ZMYM4: variants seen among roughly 807,000 people sequenced by gnomAD.
ZMYM4 encodes zinc finger MYM-type containing 4, also known as zinc finger MYM-type protein 4.
ZMYM4 carries 31 observed loss-of-function variants against 183.2 expected under a neutral mutation model. That is an observed-to-expected ratio of 0.17 (90% CI 0.13 to 0.23). The LOEUF (loss-of-function observed/expected upper bound fraction) is 0.23, where lower values mean the gene tolerates loss of function less well. Among genes scored for constraint, ZMYM4 ranks in the 10% least tolerant of loss-of-function variants. The probability of loss-of-function intolerance (pLI) is 1.00; values close to 1 mark genes in which losing one functional copy is unlikely to be tolerated. For missense variants in ZMYM4, 1,273 were observed against 1,840.3 expected (o/e 0.69, Z 5.64); for synonymous variants, 592 against 631.2 (o/e 0.94, Z 0.93).
intron 2 of ZMYM4, among the ~76,000 whole-genome samples, chr1:35,331,411 ATTTTTG>A (rs1642741189): frequency 6.6e-6 from 1 of 152,118 alleles, no homozygotes; most frequent in Admixed American, 6.6e-5. Context: ...AACTAAACTG[ATTTTTG>A]TTTTATCTCT....
At chr1:35,336,488 G>A (rs1642982026) in intron 2 of ZMYM4, among the ~76,000 whole-genome samples, 1 of 151,848 alleles carries the variant, frequency 6.6e-6, no homozygotes, top group Non-Finnish European at 1.5e-5. Flanking sequence ...CCAGGTTCAA[G>A]CGATTCTCCT....
chr1:35,339,335 A>G (rs1421072073), intron 2 of ZMYM4, among the ~76,000 whole-genome samples: 4 of 152,046 alleles, frequency 2.6e-5, no homozygotes, highest in African/African-American at 9.7e-5. Context: ...CCTGGGTTCA[A>G]GCAGTTCTCC....
At chr1:35,293,285 G>A (rs1640850931) in intron 1 of ZMYM4, among the ~76,000 whole-genome samples, 1 of 152,030 alleles carries the variant, frequency 6.6e-6, no homozygotes, top group Non-Finnish European at 1.5e-5. Context: ...GACTACAGGT[G>A]TGAACCACCA....
At chr1:35,293,004 A>G (rs552254473) in intron 1 of ZMYM4, among the ~76,000 whole-genome samples, 4 of 145,412 alleles carry the variant, frequency 2.8e-5, no homozygotes, top group Admixed American at 2.0e-4. Context: ...TACCATTAAC[A>G]TTTTTTTTTT....
intron 18 of ZMYM4, among the ~76,000 whole-genome samples, chr1:35,394,162 C>CTTTTTTTTTTTTTTTTTTTTTT: frequency 1.5e-5 from 1 of 68,430 alleles, no homozygotes; most frequent in Non-Finnish European, 2.7e-5. Context: ...TCAGAGCTTT[C>CTTTTTTTTTTTTTTTTTTTTTT]TTTTTTTTTT....
chr1:35,306,108 C>T (rs1409736242), intron 1 of ZMYM4, among the ~76,000 whole-genome samples: 1 of 151,956 alleles, frequency 6.6e-6, no homozygotes, highest in Non-Finnish European at 1.5e-5. Flanking sequence ...TTATTGATGC[C>T]ATTTGTTCTT....
intron 1 of ZMYM4, among the ~76,000 whole-genome samples, chr1:35,283,326 CTTTTTTTTTT>C (rs201360397): frequency 5.5e-4 from 31 of 56,766 alleles, no homozygotes; most frequent in East Asian, 4.4e-3. Flanking sequence ...GAAGTGGTAT[CTTTTTTTTTT>C]TTTTTTTTTT....
chr1:35,329,829 C>A (rs1411657718), intron 2 of ZMYM4, among the ~76,000 whole-genome samples: 1 of 152,058 alleles, frequency 6.6e-6, no homozygotes, highest in Non-Finnish European at 1.5e-5. Flanking sequence ...GCTAGGATTA[C>A]CAGCATGAGT....
intron 1 of ZMYM4, among the ~76,000 whole-genome samples, chr1:35,303,639 C>T (rs1570302428): frequency 6.6e-6 from 1 of 152,064 alleles, no homozygotes; most frequent in Admixed American, 6.6e-5. Flanking sequence ...CTCCTGACCT[C>T]AAGTGATACA....
intron 1 of ZMYM4, among the ~76,000 whole-genome samples, chr1:35,315,757 C>T (rs1642016839): frequency 6.6e-6 from 1 of 151,590 alleles, no homozygotes; most frequent in African/African-American, 2.4e-5. Context: ...ACAGTGAGAC[C>T]CTGTCTCTAC....
At chr1:35,350,223 GA>G (rs34466044) in intron 2 of ZMYM4, among the ~76,000 whole-genome samples, 7,069 of 72,418 alleles carry the variant, frequency 0.098, 282 homozygotes, top group East Asian at 0.32. Flanking sequence ...ACTCCATCTT[GA>G]AAAAAAAAAA....
intron 7 of ZMYM4, among the ~76,000 whole-genome samples, chr1:35,376,628 A>T (rs1644339886): frequency 6.6e-6 from 1 of 151,900 alleles, no homozygotes; most frequent in Non-Finnish European, 1.5e-5. Context: ...GGTTGAAGTG[A>T]TTCTCCTGCC....
chr1:35,303,316 A>C (rs1399306888), intron 1 of ZMYM4, among the ~76,000 whole-genome samples: 1 of 151,636 alleles, frequency 6.6e-6, no homozygotes, highest in Non-Finnish European at 1.5e-5. Context: ...AAAGAAAAAA[A>C]ATTGCTTATA....
chr1:35,276,925 C>T (rs1415313693), intron 1 of ZMYM4, among the ~76,000 whole-genome samples: 5 of 152,176 alleles, frequency 3.3e-5, no homozygotes, highest in Non-Finnish European at 7.4e-5. Flanking sequence ...CCTTTCTTAA[C>T]TCATACCCCC....
At chr1:35,366,657 G>C (rs1644086958) in intron 5 of ZMYM4, among the ~76,000 whole-genome samples, 1 of 152,136 alleles carries the variant, frequency 6.6e-6, no homozygotes, top group Non-Finnish European at 1.5e-5. Context: ...AATACAACTT[G>C]AAATAATGAA....
chr1:35,419,620 A>G lies in ZMYM4; in HGVS notation c.4590A>G (p.Val1530=). 1 of 1,614,206 alleles carries G rather than the reference A, an allele frequency of 6.2e-7. No individual in the cohort carries two copies. Among genetic ancestry groups the G allele is most frequent in the Non-Finnish European group, 8.5e-7 (1 of 1,180,028 alleles). Residue 1530 remains valine, a synonymous_variant, in exon 30 of 30, where the codon GTA becomes GTG. Coordinates refer to ENST00000314607, the MANE Select transcript of ZMYM4 (RefSeq NM_005095.3). ...CACGTATTCTCATGGTGAGGGAGGTACATGAAGAACTTGCCAAAGCCAAAT... is the reference window on the plus strand; with the variant it reads ...CACGTATTCTCATGGTGAGGGAGGTGCATGAAGAACTTGCCAAAGCCAAAT... ...MLTRILMVRE[V]HEELAKAKSE...
At chr1:35,326,734 G>C (rs116833256) in intron 2 of ZMYM4, among the ~76,000 whole-genome samples, 4 of 152,072 alleles carry the variant, frequency 2.6e-5, no homozygotes, top group Non-Finnish European at 4.4e-5. Flanking sequence ...ATTTAGACAC[G>C]CTAATTAACC....
chr1:35,387,736 A>G, intron 13 of ZMYM4, 132 bp downstream of exon 13: 2 of 904,458 alleles, frequency 2.2e-6, no homozygotes, highest in South Asian at 4.9e-5. Flanking sequence ...TTTTCGATTC[A>G]TTTACACTTA....
rs924279936 is a variant in ZMYM4, at chr1:35,312,685, TTTTC to T, written c.40-12662_40-12659del. The stretch of plus-strand genomic sequence containing the variant: ...TTCTTTCTCTTCTTTCCCTTCTTTC[TTTTC>T]TTTCTTTCTTTCCCTTCTTTCCCTC... On this transcript the variant is annotated intron_variant, in intron 1 of 29. Transcript: ENST00000314607. Among the ~76,000 whole-genome samples, 10 of 151,900 alleles carry T rather than the reference TTTTC, an allele frequency of 6.6e-5. No individual in the cohort carries two copies. The East Asian group carries it at 1.4e-3, about 21-fold the overall frequency.
Sources: allele counts gnomAD v4.1 joint callset (sites outside exome capture counted in the v4.1 genomes callset), GRCh38; gene constraint gnomAD v4.1.1; transcripts MANE v1.5; gene names NCBI Gene and HGNC (gene_info 2026-07-23, HGNC 2026-07-21).